The following CPNE8 variants were observed in gnomAD, a reference collection of about 807,000 sequenced individuals.
CPNE8 encodes copine-8.
CPNE8 carries 45 observed loss-of-function variants against 81.5 expected under a neutral mutation model. The ratio of observed to expected loss-of-function variants is 0.55; its 90% confidence interval spans 0.44 to 0.71. CPNE8 has a LOEUF of 0.71. CPNE8 is among the 30% of genes least tolerant of loss of function. The probability of loss-of-function intolerance (pLI) is 0.00; values close to 1 mark genes in which losing one functional copy is unlikely to be tolerated. For synonymous variants in CPNE8, 252 were observed against 226.3 expected (o/e 1.11, Z -1.02); for missense variants, 594 against 672.1 (o/e 0.88, Z 1.28).
chr12:38,904,469 T>C (rs1565671355), intron 1 of CPNE8, among the ~76,000 whole-genome samples: 2 of 134,528 alleles, frequency 1.5e-5, no homozygotes, highest in Admixed American at 1.6e-4. Context: ...AGTTTTTTTT[T>C]GTTTTTTTTT....
At chr12:38,697,844 G>T (rs1460619892) in intron 14 of CPNE8, among the ~76,000 whole-genome samples, 1 of 152,096 alleles carries the variant, frequency 6.6e-6, no homozygotes, top group Non-Finnish European at 1.5e-5. Flanking sequence ...GTAATATGCT[G>T]ACTGCCCCTT....
chr12:38,688,660 T>C (rs941334619), intron 15 of CPNE8, among the ~76,000 whole-genome samples: 1 of 151,808 alleles, frequency 6.6e-6, no homozygotes, highest in African/African-American at 2.4e-5. Flanking sequence ...AGGAATGGAA[T>C]AATGGCATTC....
intron 10 of CPNE8, among the ~76,000 whole-genome samples, chr12:38,734,276 T>C (rs1429655176): frequency 1.3e-5 from 2 of 152,050 alleles, no homozygotes; most frequent in Non-Finnish European, 2.9e-5. Flanking sequence ...TTGCCAGTGA[T>C]ATTAACAAAT....
In CPNE8 at chr12:38,894,698, TCTCTCTCTC is replaced by T. The variant is rs1308681162; in HGVS notation, c.98+10730_98+10738del. Among the ~76,000 whole-genome samples the T allele has an allele frequency of 2.9e-4, 34 of 118,450 alleles. 1 individual carries two copies. The highest frequency in any genetic ancestry group is 1.1e-3 in the African/African-American group (34 of 32,264). The allele number at this position is 118,450 out of a possible 152,430, so 77.7% of individuals were successfully genotyped here. A position where few individuals can be genotyped will look rare whatever the true frequency, so the allele number is the denominator to read the frequency against. ...CTCTCTCTCTCTCTCTCTCTCTCTC[TCTCTCTCTC>T]TCTCATATTCTTTACTTATAGCTTG... On this transcript the variant is annotated intron_variant, in intron 1 of 19. Transcript: ENST00000331366.
chr12:38,851,606 T>G (rs1156449648), intron 3 of CPNE8, among the ~76,000 whole-genome samples: 1 of 152,198 alleles, frequency 6.6e-6, no homozygotes, highest in Admixed American at 6.5e-5. Flanking sequence ...CAAGCTTTTC[T>G]TCCCTCTTAT....
intron 15 of CPNE8, among the ~76,000 whole-genome samples, chr12:38,691,197 G>C (rs1437686762): frequency 6.6e-6 from 1 of 152,190 alleles, no homozygotes; most frequent in Non-Finnish European, 1.5e-5. Context: ...CTGTAGTTAA[G>C]AGCATGAATT....
In CPNE8 at chr12:38,762,098, A is replaced by G. The variant is rs1941585630; in HGVS notation, c.680+14T>C. 2.4e-6 allele frequency: 3 copies of G among 1,276,026 alleles called. No individual in the cohort carries two copies. The highest frequency in any genetic ancestry group is 1.8e-5 in the South Asian group (1 of 55,906). The allele number at this position is 1,276,026 out of a possible 1,614,324, so 79.0% of individuals were successfully genotyped here. A position where few individuals can be genotyped will look rare whatever the true frequency, so the allele number is the denominator to read the frequency against. On this transcript the variant is annotated intron_variant, in intron 9 of 19. Coordinates refer to ENST00000331366, the MANE Select transcript of CPNE8 (RefSeq NM_153634.3). Reference sequence around the variant, plus strand: ...AAGTTATTTGAAGATTTTTGAATAAACTATCCTTCTTACCTGTCATAGTCT... The same window carrying G: ...AAGTTATTTGAAGATTTTTGAATAAGCTATCCTTCTTACCTGTCATAGTCT...
chr12:38,728,106 G>A (rs1025747595), intron 11 of CPNE8, among the ~76,000 whole-genome samples: 1 of 152,148 alleles, frequency 6.6e-6, no homozygotes, highest in East Asian at 1.9e-4. Context: ...GAAGCTGGAG[G>A]ATCTGATTTC....
intron 6 of CPNE8, among the ~76,000 whole-genome samples, chr12:38,823,765 C>T (rs535293702): frequency 6.6e-5 from 10 of 152,200 alleles, no homozygotes; most frequent in African/African-American, 1.9e-4. Context: ...TTTCTTAAAC[C>T]GGTGCTGATT....
chr12:38,785,978 T>A (rs1942175387), intron 6 of CPNE8, among the ~76,000 whole-genome samples: 2 of 146,788 alleles, frequency 1.4e-5, no homozygotes, highest in African/African-American at 2.5e-5. Context: ...CTTCAACAAA[T>A]GGAAGAAGGA....
rs140640067 is a variant in CPNE8 at position 38,830,603 on chromosome 12, T to C, written c.331-1148A>G. Among the ~76,000 whole-genome samples the C allele has an allele frequency of 1.0e-3, 158 of 152,326 alleles. 1 individual carries two copies. Among genetic ancestry groups the C allele is most frequent in the African/African-American group, 3.5e-3 (146 of 41,576 alleles). On this transcript the variant is annotated intron_variant, in intron 5 of 19. Transcript: ENST00000331366. ...AGGTGAGAGATCTCTCTAAATTGTT[T>C]GTGTACTGAACACGACCAAGAAAAT...
chr12:38,731,686 T>C (rs1231338092), intron 10 of CPNE8, among the ~76,000 whole-genome samples: 1 of 151,902 alleles, frequency 6.6e-6, no homozygotes. Flanking sequence ...GCAAAAAGAA[T>C]TGTAGGCTCT....
intron 3 of CPNE8, among the ~76,000 whole-genome samples, chr12:38,868,112 T>C (rs543734166): frequency 6.6e-6 from 1 of 152,114 alleles, no homozygotes; most frequent in Non-Finnish European, 1.5e-5. Flanking sequence ...TTCCAAAATA[T>C]ACCTGAATTT....
At chr12:38,864,298 G>A (rs1943884971) in intron 3 of CPNE8, among the ~76,000 whole-genome samples, 1 of 152,046 alleles carries the variant, frequency 6.6e-6, no homozygotes. Context: ...CTGAAGCATA[G>A]TCCCATCATC....
chr12:38,773,865 A>G (rs1020092619), intron 7 of CPNE8, among the ~76,000 whole-genome samples: 1 of 152,138 alleles, frequency 6.6e-6, no homozygotes, highest in African/African-American at 2.4e-5. Context: ...TATTAGTATT[A>G]ATAATGATGC....
chr12:38,801,799 A>G, intron 6 of CPNE8, among the ~76,000 whole-genome samples: 1 of 108,164 alleles, frequency 9.2e-6, no homozygotes, highest in Non-Finnish European at 1.9e-5. Flanking sequence ...CTCCAAATAA[A>G]AGGATGGAGG....
At chr12:38,817,162 A>G (rs1308872159) in intron 6 of CPNE8, among the ~76,000 whole-genome samples, 1 of 152,220 alleles carries the variant, frequency 6.6e-6, no homozygotes, top group Non-Finnish European at 1.5e-5. Context: ...GACTGGGCAA[A>G]TCATCCTGAA....
intron 13 of CPNE8, among the ~76,000 whole-genome samples, chr12:38,717,527 G>A (rs976825960): frequency 6.8e-6 from 1 of 146,350 alleles, no homozygotes; most frequent in African/African-American, 2.5e-5. Flanking sequence ...TTGGGTGCAG[G>A]TGGAGGTATT....
At chr12:38,829,563 T>A (rs1943252158) in intron 5 of CPNE8, 108 bp from the exon 6 acceptor site, 1 of 744,588 alleles carries the variant, frequency 1.3e-6, no homozygotes, top group African/African-American at 1.7e-5. Flanking sequence ...ATATTGACAT[T>A]TCTAACTTCC....
Sources: allele counts gnomAD v4.1 joint callset (sites outside exome capture counted in the v4.1 genomes callset), GRCh38; gene constraint gnomAD v4.1.1; transcripts MANE v1.5; gene names NCBI Gene and HGNC (gene_info 2026-07-23, HGNC 2026-07-21).